Variants in IDNK observed in about 807,000 individuals in gnomAD.
IDNK encodes the protein IDNK gluconokinase.
A neutral mutation model predicts 13.0 loss-of-function variants in IDNK; 9 were observed. The observed-to-expected ratio is 0.69, with a 90% CI of 0.42 to 1.21. IDNK has a LOEUF of 1.21. Among genes scored for constraint, IDNK ranks in the 50% most tolerant of loss-of-function variants. The pLI is 0.00. For missense variants in IDNK, 210 were observed against 237.8 expected (o/e 0.88, Z 0.77); for synonymous variants, 92 against 94.9 (o/e 0.97, Z 0.18).
chr9:83,641,761 A>C (rs1831315843), intron 4 of IDNK, among the ~76,000 whole-genome samples, 170 bp downstream of exon 4: 1 of 152,242 alleles, frequency 6.6e-6, no homozygotes, highest in Admixed American at 6.5e-5. Context: ...AACCAGCCAC[A>C]GGCAGCATGG....
At position 83,628,187 on chromosome 9, in the gene IDNK, C is replaced by T. The variant is rs1830912694; in HGVS notation, c.57C>T (p.Thr19=). 1.9e-6 allele frequency: 3 copies of T among 1,550,548 alleles called. No homozygotes were observed. Among genetic ancestry groups the T allele is most frequent in the South Asian group, 2.4e-5 (2 of 84,056 alleles). The change falls in exon 2 of 5, where the codon ACC becomes ACT. Residue 19 remains threonine, a synonymous_variant. Transcript: ENST00000376419. ...VMGVSGSGKS[T]VGALLASELG... is the part of the protein sequence containing the mutation. The stretch of plus-strand genomic sequence containing the variant: ...ATCTGTGTCCTCTCCACAGATCCAC[C>T]GTGGGCGCCCTGCTGGCATCTGAGG...
intron 1 of IDNK, 26 bp downstream of exon 1, chr9:83,623,247 G>T (rs995978879): frequency 4.3e-6 from 6 of 1,382,198 alleles, no homozygotes; most frequent in African/African-American, 1.5e-5. Context: ...GGCGGGGGGC[G>T]CCCGGGACAA....
intron 3 of IDNK, among the ~76,000 whole-genome samples, chr9:83,631,084 T>G (rs1490105110): frequency 6.6e-6 from 1 of 152,160 alleles, no homozygotes; most frequent in South Asian, 2.1e-4. Context: ...ACAGCTGGGC[T>G]GGCACCAATA....
intron 1 of IDNK, among the ~76,000 whole-genome samples, chr9:83,624,182 G>T (rs905191638): frequency 3.9e-5 from 6 of 152,196 alleles, no homozygotes; most frequent in Admixed American, 3.9e-4. Context: ...CAAATCCCTA[G>T]CTGCCATATG....
chr9:83,629,540 C>A (rs1206118939), intron 3 of IDNK, among the ~76,000 whole-genome samples: 2 of 152,204 alleles, frequency 1.3e-5, no homozygotes, highest in African/African-American at 4.8e-5. Context: ...CTCTTCCAGC[C>A]CCTCCCACTG....
intron 3 of IDNK, among the ~76,000 whole-genome samples, chr9:83,631,720 C>G (rs970867688): frequency 7.2e-5 from 11 of 152,126 alleles, no homozygotes; most frequent in Admixed American, 6.5e-5. Flanking sequence ...TACTGGCTAC[C>G]TTACTGGACA....
intron 4 of IDNK, among the ~76,000 whole-genome samples, chr9:83,642,366 G>A (rs1014658517): frequency 6.6e-6 from 1 of 152,158 alleles, no homozygotes; most frequent in African/African-American, 2.4e-5. Context: ...GACATGGCTG[G>A]CAGCCCTGTC....
At chr9:83,623,084 G>C (rs966159069), upstream of IDNK, 68 of 1,116,810 alleles carry the variant, frequency 6.1e-5, no homozygotes, top group Middle Eastern at 1.2e-3. Context: ...TGCCCCGGCC[G>C]GGGCGAGAGC....
At chr9:83,630,903 A>C (rs1334347481) in intron 3 of IDNK, among the ~76,000 whole-genome samples, 30 of 152,208 alleles carry the variant, frequency 2.0e-4, no homozygotes, top group Admixed American at 2.0e-3. Flanking sequence ...CAAGTTACTT[A>C]CTAAATTTTT....
At chr9:83,634,712 T>C (rs185627688) in intron 3 of IDNK, among the ~76,000 whole-genome samples, 2 of 152,342 alleles carry the variant, frequency 1.3e-5, no homozygotes, top group East Asian at 3.9e-4. Context: ...GCAGATGGAA[T>C]GGCGGAATGT....
chr9:83,633,860 CACAAGA>C (rs1240785429), intron 3 of IDNK, among the ~76,000 whole-genome samples: 2 of 152,144 alleles, frequency 1.3e-5, no homozygotes. Context: ...ACAAATGATT[CACAAGA>C]AGTGAATCAA....
chr9:83,629,223 G>A lies in IDNK; in HGVS notation c.168+264G>A, dbSNP rs376352527. Among the ~76,000 whole-genome samples the A allele has an allele frequency of 7.2e-5, 11 of 152,304 alleles. No homozygotes were observed. The South Asian group carries it at 1.7e-3, about 23-fold the overall frequency. On this transcript the variant is annotated intron_variant, in intron 3 of 4. Coordinates refer to ENST00000376419, the MANE Select transcript of IDNK (RefSeq NM_001001551.4). The stretch of plus-strand genomic sequence containing the variant: ...CCTTGTTGTGGGATTTTAACCTGAA[G>A]AATGTAATTCCTGAGAGGTCAGAGG...
chr9:83,623,788 T>A (rs1247915915), intron 1 of IDNK, among the ~76,000 whole-genome samples: 2 of 152,132 alleles, frequency 1.3e-5, no homozygotes, highest in African/African-American at 4.8e-5. Context: ...TCCTGAGGGT[T>A]TGGAAAGAAA....
chr9:83,626,222 A>G (rs562480686), intron 1 of IDNK, among the ~76,000 whole-genome samples: 1 of 152,264 alleles, frequency 6.6e-6, no homozygotes, highest in East Asian at 1.9e-4. Flanking sequence ...TTTTGGGCCC[A>G]GCACTGTGCC....
chr9:83,633,483 C>A (rs1429018769), intron 3 of IDNK, among the ~76,000 whole-genome samples: 1 of 152,166 alleles, frequency 6.6e-6, no homozygotes, highest in Admixed American at 6.5e-5. Flanking sequence ...AGGACAGGAA[C>A]CACACCATTC....
intron 3 of IDNK, among the ~76,000 whole-genome samples, chr9:83,633,146 T>C (rs1189075744): frequency 6.6e-6 from 1 of 152,124 alleles, no homozygotes; most frequent in East Asian, 1.9e-4. Flanking sequence ...GAGACCATCC[T>C]GGCTAACACG....
chr9:83,626,606 G>T (rs373693571), intron 1 of IDNK: 1 of 750,328 alleles, frequency 1.3e-6, no homozygotes, highest in Non-Finnish European at 2.0e-6. Flanking sequence ...TAGTTGAGAC[G>T]GGGTTTTGCC....
chr9:83,638,585 C>T (rs1328687922), intron 3 of IDNK, among the ~76,000 whole-genome samples: 1 of 152,078 alleles, frequency 6.6e-6, no homozygotes, highest in Non-Finnish European at 1.5e-5. Flanking sequence ...AAGTCCTGAG[C>T]AGGGCAAGAA....
At position 83,643,629 on chromosome 9, in the gene IDNK, G is replaced by A. The variant is rs551624003; in HGVS notation, c.413G>A (p.Arg138Lys). 195 of 1,614,024 alleles carry A rather than the reference G, an allele frequency of 1.2e-4. 2 individuals are homozygous for A. In the South Asian group the frequency reaches 2.0e-3, roughly 17 times the overall value. Residue 138 changes from arginine (R) to lysine (K), a missense_variant, in exon 5 of 5, where the codon AGA becomes AAA. Arg to Lys is a conservative substitution (Grantham distance 26). Coordinates refer to ENST00000376419, the MANE Select transcript of IDNK (RefSeq NM_001001551.4). ...GTCATCTCTGGACGCTTACTCAAAAGAGAGGGACATTTTATGCCCCCTGAA... is the reference window on the plus strand; with the variant it reads ...GTCATCTCTGGACGCTTACTCAAAAAAGAGGGACATTTTATGCCCCCTGAA... ...FEVISGRLLK[R>K]EGHFMPPELL...
Sources: allele counts gnomAD v4.1 joint callset (sites outside exome capture counted in the v4.1 genomes callset), GRCh38; gene constraint gnomAD v4.1.1; transcripts MANE v1.5; gene names NCBI Gene and HGNC (gene_info 2026-07-23, HGNC 2026-07-21).